Variants in MARCHF10 observed in about 807,000 individuals in gnomAD.
The protein encoded by MARCHF10 is probable E3 ubiquitin-protein ligase MARCHF10.
Under a neutral mutation model 76.2 loss-of-function variants are expected in MARCHF10, and 64 were observed. The ratio of observed to expected loss-of-function variants is 0.84; its 90% CI spans 0.69 to 1.03. The LOEUF (loss-of-function observed/expected upper bound fraction) is 1.03, where lower values mean the gene tolerates loss of function less well. Ranked by LOEUF, MARCHF10 falls within the 50% of genes least tolerant of loss-of-function variation. The pLI is 0.00. For synonymous variants in MARCHF10, 340 were observed against 357.5 expected (o/e 0.95, Z 0.55); for missense variants, 875 against 958.0 (o/e 0.91, Z 1.14).
intron 4 of MARCHF10, among the ~76,000 whole-genome samples, chr17:62,750,799 A>G (rs762188358): frequency 4.6e-5 from 7 of 152,180 alleles, no homozygotes; most frequent in Non-Finnish European, 7.3e-5. Flanking sequence ...TTTTCCCCGT[A>G]AGATCCCGGA....
chr17:62,745,213 C>T (rs2147866680), intron 4 of MARCHF10, among the ~76,000 whole-genome samples: 1 of 151,144 alleles, frequency 6.6e-6, no homozygotes, highest in Middle Eastern at 3.6e-3. Flanking sequence ...AAGCGATTCT[C>T]CTGCCTCAGC....
chr17:62,754,543 C>A (rs1005839397), intron 4 of MARCHF10, among the ~76,000 whole-genome samples: 2 of 151,972 alleles, frequency 1.3e-5, no homozygotes, highest in Admixed American at 6.6e-5. Flanking sequence ...GGGTTTCCAC[C>A]CACCTATCTA....
At chr17:62,714,518 G>A (rs911251637) in intron 8 of MARCHF10, 1 of 572,794 alleles carries the variant, frequency 1.7e-6, no homozygotes, top group African/African-American at 2.0e-5. Context: ...CATCTGTCTT[G>A]TTTGCTCCTG....
At chr17:62,767,751 G>A (rs1199605134) in intron 3 of MARCHF10, among the ~76,000 whole-genome samples, 3 of 151,978 alleles carry the variant, frequency 2.0e-5, no homozygotes, top group Non-Finnish European at 2.9e-5. Context: ...TGTAATGCCC[G>A]GCCCTGTATT....
chr17:62,775,722 A>G (rs1175479902), intron 3 of MARCHF10, among the ~76,000 whole-genome samples: 1 of 152,196 alleles, frequency 6.6e-6, no homozygotes, highest in African/African-American at 2.4e-5. Flanking sequence ...TATATGTTAT[A>G]AAATATGTGG....
At chr17:62,701,885 C>T (rs1393136412) in intron 10 of MARCHF10, 127 bp from the exon 11 acceptor site, 2 of 1,241,790 alleles carry the variant, frequency 1.6e-6, no homozygotes, top group East Asian at 2.4e-5. Flanking sequence ...CACATGGCCA[C>T]AGTGCCTGGA....
chr17:62,764,414 T>C (rs566532234), intron 3 of MARCHF10, among the ~76,000 whole-genome samples: 2 of 152,278 alleles, frequency 1.3e-5, no homozygotes, highest in South Asian at 2.1e-4. Context: ...ATCTATGATA[T>C]AGTGCAGGGC....
At chr17:62,792,805 C>CCGT (rs1489678240) in intron 2 of MARCHF10, among the ~76,000 whole-genome samples, 1 of 105,452 alleles carries the variant, frequency 9.5e-6, no homozygotes, top group African/African-American at 4.3e-5. Context: ...ACCACCACCT[C>CCGT]CATCACCACC....
At chr17:62,705,888 C>A (rs188153098) in intron 9 of MARCHF10, among the ~76,000 whole-genome samples, 1 of 152,306 alleles carries the variant, frequency 6.6e-6, no homozygotes, top group East Asian at 1.9e-4. Context: ...TTCTGATGGT[C>A]CGAATCACAT....
rs567446639 is a variant in MARCHF10 at position 62,808,237 on chromosome 17, C to T, written c.-178G>A. On this transcript the variant is annotated 5_prime_UTR_variant, in exon 1 of 11. Transcript: ENST00000311269. ...GCTTCTTCACTCCCTACACCTGCCCCTCTTCCTCCTCCTTCCCCGAGGCTG... is the reference window on the plus strand; with the variant it reads ...GCTTCTTCACTCCCTACACCTGCCCTTCTTCCTCCTCCTTCCCCGAGGCTG... 1.3e-5 allele frequency: 2 copies of T among 152,750 alleles called. No individual in the cohort carries two copies. The highest frequency in any genetic ancestry group is 3.9e-4 in the East Asian group (2 of 5,178). The allele number at this position is 152,750 out of a possible 1,614,324, so 9.5% of individuals were successfully genotyped here.
chr17:62,792,932 A>G (rs2092889487), intron 2 of MARCHF10, among the ~76,000 whole-genome samples: 1 of 132,298 alleles, frequency 7.6e-6, no homozygotes, highest in Admixed American at 7.6e-5. Context: ...CATTACCACC[A>G]CCACCATCAT....
intron 2 of MARCHF10, among the ~76,000 whole-genome samples, chr17:62,790,934 AG>A: frequency 6.6e-6 from 1 of 152,320 alleles, no homozygotes; most frequent in African/African-American, 2.4e-5. Flanking sequence ...CTGGGGAGAG[AG>A]ATGCAGCTTC....
Position 62,788,523 on chromosome 17 carries a change from C to T in MARCHF10, c.167G>A (p.Ser56Asn). 1 of 1,614,152 alleles carries T rather than the reference C, an allele frequency of 6.2e-7. No homozygotes were observed. Among genetic ancestry groups the T allele is most frequent in the Non-Finnish European group, 8.5e-7 (1 of 1,180,024 alleles). Residue 56 changes from serine (S) to asparagine (N), a missense_variant, in exon 3 of 11, where the codon AGT becomes AAT. Physicochemically the swap from Ser to Asn is conservative, Grantham distance 46. Coordinates refer to ENST00000311269, the MANE Select transcript of MARCHF10 (RefSeq NM_152598.4). ...GCTAGAAAACCGGGATCTCTCAAAA[C>T]TTGTCTCTTGCCCCCAAAACTGATC... The part of the protein sequence containing the change: ...KRDQFWGQET[S>N]FERSRFSSRS...
In MARCHF10 at chr17:62,711,177, C is replaced by T. The variant is rs1234007340; in HGVS notation, c.2328+54G>A. The T allele has an allele frequency of 1.4e-5, 21 of 1,468,342 alleles. No homozygotes were observed. The East Asian group carries it at 4.1e-4, about 28-fold the overall frequency. 91.0% of individuals were successfully genotyped at this position (1,468,342 alleles called of 1,614,324 possible). On this transcript the variant is annotated intron_variant, in intron 9 of 10. Transcript: ENST00000311269. The surrounding 1 kb of genome is among the most constrained non-coding windows in gnomAD (Gnocchi z 4.4). ...CAGCTTGCACATCTAATAAACAGCACTGCAGGGTTTTCAGGGCTGCCACCG... is the reference window on the plus strand; with the variant it reads ...CAGCTTGCACATCTAATAAACAGCATTGCAGGGTTTTCAGGGCTGCCACCG...
chr17:62,795,382 A>AAAAAAAAAAAAG (rs1555719591), intron 2 of MARCHF10, among the ~76,000 whole-genome samples: 2 of 111,990 alleles, frequency 1.8e-5, no homozygotes, highest in African/African-American at 3.7e-5. Flanking sequence ...AAAAAAAAAA[A>AAAAAAAAAAAAG]AAGAAGCTAG....
At chr17:62,732,544 G>T (rs12944443) in intron 6 of MARCHF10, among the ~76,000 whole-genome samples, 63,788 of 151,978 alleles carry the variant, frequency 0.42, 13,810 homozygotes, top group African/African-American at 0.54. Flanking sequence ...TCACATCACA[G>T]ATTAAGAACC....
chr17:62,739,530 C>A (rs1233667466), intron 5 of MARCHF10, among the ~76,000 whole-genome samples: 6 of 151,836 alleles, frequency 4.0e-5, no homozygotes, highest in Non-Finnish European at 8.8e-5. Flanking sequence ...TACAGGCATG[C>A]TCCACCAAGC....
intron 5 of MARCHF10, 55 bp from the exon 6 acceptor site, chr17:62,737,387 G>C: frequency 6.5e-7 from 1 of 1,543,584 alleles, no homozygotes; most frequent in Non-Finnish European, 8.8e-7. Flanking sequence ...ATGGATGAAA[G>C]GCCTCTAGCA....
chr17:62,797,393 AC>A (rs2093003518), intron 2 of MARCHF10, among the ~76,000 whole-genome samples: 1 of 152,030 alleles, frequency 6.6e-6, no homozygotes, highest in East Asian at 1.9e-4. Context: ...TTTAGTAGAG[AC>A]GGGGTTTCAC....
Sources: allele counts gnomAD v4.1 joint callset (sites outside exome capture counted in the v4.1 genomes callset), GRCh38; gene constraint gnomAD v4.1.1; non-coding constraint Gnocchi (gnomAD v3.1); transcripts MANE v1.5; gene names NCBI Gene and HGNC (gene_info 2026-07-23, HGNC 2026-07-21).